Variants in TULP4 observed in about 807,000 individuals in gnomAD.
TULP4 encodes TUB like protein 4.
A neutral mutation model predicts 129.0 loss-of-function variants in TULP4; 16 were observed. That is an observed-to-expected ratio of 0.12 (90% CI 0.08 to 0.19). The LOEUF (loss-of-function observed/expected upper bound fraction) is 0.19, where lower values mean the gene tolerates loss of function less well. Among genes scored for constraint, TULP4 ranks in the 10% least tolerant of loss-of-function variants. The pLI, the probability that TULP4 is intolerant of heterozygous loss-of-function variation, is 1.00. For synonymous variants in TULP4, 998 were observed against 854.0 expected, an observed-to-expected ratio of 1.17 and a Z score of -2.94; for missense variants, 1,842 against 2,059.1, an observed-to-expected ratio of 0.89 and a Z score of 2.04.
chr6:158,277,053 C>T (rs144485205), intron 1 of TULP4, among the ~76,000 whole-genome samples: 1 of 152,260 alleles, frequency 6.6e-6, no homozygotes, highest in East Asian at 1.9e-4. Flanking sequence ...GGTCCTCCCA[C>T]CTCTGCTTCC....
Position 158,289,272 on chromosome 6 carries a change from T to C in TULP4, n.116+6894T>C, listed in dbSNP as rs571166138. Among the ~76,000 whole-genome samples the C allele has an allele frequency of 2.6e-5, 4 of 152,252 alleles. No homozygotes were observed. In the South Asian group the frequency reaches 8.3e-4, roughly 32 times the overall value. ...TAGTTAGTTGTAGCCCTCTTTTCAT[T>C]GTCAGTATTTATTTGTGCTGCTCTG... On this transcript the variant is annotated intron_variant and non_coding_transcript_variant, in intron 1 of 1. Coordinates refer to the TULP4 transcript ENST00000432358.
intron 1 of TULP4, among the ~76,000 whole-genome samples, chr6:158,365,539 C>G (rs572602890): frequency 1.3e-5 from 2 of 148,388 alleles, no homozygotes; most frequent in Middle Eastern, 3.4e-3. Context: ...TGCAGTGGTG[C>G]GATCTCAGCT....
At chr6:158,291,546 A>G (rs965346932) in intron 1 of TULP4, among the ~76,000 whole-genome samples, 3 of 151,896 alleles carry the variant, frequency 2.0e-5, no homozygotes, top group Non-Finnish European at 4.4e-5. Context: ...TGCGTGGCAT[A>G]TATTGTGCTG....
chr6:158,325,493 C>T (rs1461402334), intron 1 of TULP4, among the ~76,000 whole-genome samples: 2 of 151,824 alleles, frequency 1.3e-5, no homozygotes, highest in Non-Finnish European at 1.5e-5. Flanking sequence ...GCTGGGACTA[C>T]AGGCACCTAT....
chr6:158,399,171 G>C (rs1170925785), intron 1 of TULP4, among the ~76,000 whole-genome samples: 1 of 152,276 alleles, frequency 6.6e-6, no homozygotes, highest in South Asian at 2.1e-4. Context: ...AGAAAAAAGG[G>C]CAGAGGCAAG....
intron 1 of TULP4, among the ~76,000 whole-genome samples, chr6:158,367,262 T>C (rs1292370307): frequency 7.9e-5 from 12 of 152,162 alleles, no homozygotes; most frequent in Admixed American, 7.9e-4. Context: ...TTATAACATA[T>C]TGTTCAGCAA....
chr6:158,299,288 G>A (rs1004922608), intron 1 of TULP4, among the ~76,000 whole-genome samples: 1 of 152,112 alleles, frequency 6.6e-6, no homozygotes, highest in Non-Finnish European at 1.5e-5. Flanking sequence ...AGGAGCAATC[G>A]TTTTTTAAAT....
At chr6:158,393,085 C>T (rs1777626161) in intron 1 of TULP4, among the ~76,000 whole-genome samples, 2 of 151,988 alleles carry the variant, frequency 1.3e-5, no homozygotes, top group South Asian at 2.1e-4. Flanking sequence ...GAAAAATTGG[C>T]CAAAACAAAG....
intron 5 of TULP4, among the ~76,000 whole-genome samples, chr6:158,454,639 C>G (rs1262555729): frequency 6.8e-6 from 1 of 147,516 alleles, no homozygotes; most frequent in Non-Finnish European, 1.5e-5. Context: ...GAGTTTTGCT[C>G]TTGTTGCCCA....
At chr6:158,327,879 G>T (rs543994396) in intron 1 of TULP4, among the ~76,000 whole-genome samples, 27 of 152,082 alleles carry the variant, frequency 1.8e-4, no homozygotes, top group Non-Finnish European at 2.9e-4. Flanking sequence ...GGCATCTTTT[G>T]TGTGTGTATA....
rs1780725426 is a variant in TULP4 at position 158,510,901 on chromosome 6, G to A, written c.*4207G>A. 1 of 152,236 alleles carries A rather than the reference G, an allele frequency of 6.6e-6. No homozygotes were observed. The highest frequency in any genetic ancestry group is 2.1e-4 in the South Asian group (1 of 4,834). 9.4% of individuals were successfully genotyped at this position (152,236 alleles called of 1,614,324 possible). ...GTTTGGCCCAGCAACTGGAGAAGGA[G>A]TCCATGGTGTCGCTGTGTGCCTGTA... On this transcript the variant is annotated 3_prime_UTR_variant, in exon 14 of 14. Transcript: ENST00000367097.
intron 1 of TULP4, among the ~76,000 whole-genome samples, chr6:158,351,621 T>G (rs1198214261): frequency 6.6e-6 from 1 of 152,088 alleles, no homozygotes; most frequent in East Asian, 1.9e-4. Context: ...TTAGACACCT[T>G]ATGTAACTCA....
chr6:158,361,108 A>C (rs180742391), intron 1 of TULP4, among the ~76,000 whole-genome samples: 8 of 152,230 alleles, frequency 5.3e-5, no homozygotes, highest in African/African-American at 1.4e-4. Flanking sequence ...TCTTGGATTT[A>C]TCACAATATA....
rs760241779 is a variant in TULP4, at chr6:158,502,415, G to A, written c.2752G>A (p.Gly918Ser). ...LCSQNTYTLP[G>S]PGSSATLRLT... Reference sequence around the variant, plus strand: ...CTCCCAGAACACGTACACCCTCCCCGGCCCGGGTAGCTCTGCCACCTTGAG... The same window carrying A: ...CTCCCAGAACACGTACACCCTCCCCAGCCCGGGTAGCTCTGCCACCTTGAG... The change falls in exon 13 of 14, where the codon GGC becomes AGC. Residue 918 changes from glycine to serine, a missense_variant. This residue lies in a region of TULP4 where 1,089 missense variants were observed against 987.1 expected (regional missense o/e 1.10). Coordinates refer to ENST00000367097, the MANE Select transcript of TULP4 (RefSeq NM_020245.5). The A allele has an allele frequency of 3.1e-5, 50 of 1,613,260 alleles. No individual in the cohort carries two copies. Among genetic ancestry groups the A allele is most frequent in the East Asian group, 4.5e-5 (2 of 44,860 alleles).
chr6:158,232,757 C>T (rs1777621653), intron 1 of TULP4, among the ~76,000 whole-genome samples: 2 of 152,160 alleles, frequency 1.3e-5, no homozygotes, highest in Non-Finnish European at 2.9e-5. Context: ...CGGCGTCGGG[C>T]CCGAGCGGCT....
intron 1 of TULP4, among the ~76,000 whole-genome samples, chr6:158,260,184 C>T (rs1370531308): frequency 6.6e-6 from 1 of 152,166 alleles, no homozygotes; most frequent in Non-Finnish European, 1.5e-5. Flanking sequence ...TTAGTGCAGA[C>T]TCAGATGTGG....
chr6:158,458,106 C>T (rs531925791), intron 5 of TULP4, among the ~76,000 whole-genome samples: 1 of 152,282 alleles, frequency 6.6e-6, no homozygotes, highest in Admixed American at 6.5e-5. Context: ...AACTGGATAA[C>T]TTCAGACTCC....
chr6:158,328,127 T>C lies in TULP4; in HGVS notation c.252+13859T>C, dbSNP rs113406110. Among the ~76,000 whole-genome samples the C allele has an allele frequency of 5.2e-3, 463 of 89,880 alleles. 8 individuals carry two copies. Among genetic ancestry groups the C allele is most frequent in the African/African-American group, 0.019 (419 of 22,006 alleles). 59.0% of individuals were successfully genotyped at this position (89,880 alleles called of 152,430 possible). On this transcript the variant is annotated intron_variant, in intron 1 of 13. Coordinates refer to ENST00000367097, the MANE Select transcript of TULP4 (RefSeq NM_020245.5). The stretch of plus-strand genomic sequence containing the variant: ...GTGTGTGTGTGTGTGTGTGTGTGTG[T>C]GCGTGCGTGCTGGGAAAGAGGTAGA...
At chr6:158,329,730 A>C (rs1437532538) in intron 1 of TULP4, among the ~76,000 whole-genome samples, 1 of 152,092 alleles carries the variant, frequency 6.6e-6, no homozygotes, top group Non-Finnish European at 1.5e-5. Flanking sequence ...GGCATTTGTG[A>C]CTAATTAGGG....
Sources: allele counts gnomAD v4.1 joint callset (sites outside exome capture counted in the v4.1 genomes callset), GRCh38; gene constraint gnomAD v4.1.1; regional missense constraint gnomAD v4.1.1; transcripts MANE v1.5; gene names NCBI Gene and HGNC (gene_info 2026-07-23, HGNC 2026-07-21).